Variants in NEB observed in about 807,000 individuals in gnomAD.
NEB encodes nemaline myopathy type 2.
In NEB, 512 loss-of-function variants were observed where a neutral mutation model predicts 952.2. The observed-to-expected ratio is 0.54, with a 90% CI of 0.50 to 0.58. The LOEUF (loss-of-function observed/expected upper bound fraction) is 0.58, where lower values mean the gene tolerates loss of function less well. NEB is among the 20% of genes least tolerant of loss of function. NEB has a pLI of 0.00. For missense variants in NEB, 8,428 were observed against 9,231.1 expected (o/e 0.91, Z 3.56); for synonymous variants, 2,900 against 3,149.8 (o/e 0.92, Z 2.66).
At chr2:151,563,011 C>CTT (rs397868741) in intron 119 of NEB, among the ~76,000 whole-genome samples, 91 of 93,314 alleles carry the variant, frequency 9.8e-4, no homozygotes, top group African/African-American at 1.3e-3. Flanking sequence ...AATTTCCCAT[C>CTT]TTTTTTTTTT....
intron 141 of NEB, 64 bp downstream of exon 141, chr2:151,537,068 T>C (rs917946358): frequency 2.0e-6 from 2 of 995,108 alleles, no homozygotes; most frequent in African/African-American, 3.2e-5. Context: ...TTCTCAGTGC[T>C]AATTCTCTCT....
chr2:151,498,145 T>TAAGA (rs1248469306), intron 170 of NEB, 115 bp downstream of exon 170: 2 of 1,529,066 alleles, frequency 1.3e-6, no homozygotes, highest in South Asian at 1.2e-5. Flanking sequence ...TTTTGTAATA[T>TAAGA]AAGATGTATT....
intron 34 of NEB, 21 bp from the exon 35 acceptor site, chr2:151,675,412 C>CAT: frequency 1.4e-6 from 2 of 1,467,988 alleles, no homozygotes; most frequent in Non-Finnish European, 1.9e-6. Context: ...ATGCATTTCA[C>CAT]ATAGTGCAAA....
intron 135 of NEB, among the ~76,000 whole-genome samples, chr2:151,542,131 G>A (rs541628185): frequency 6.6e-6 from 1 of 152,252 alleles, no homozygotes; most frequent in Admixed American, 6.5e-5. Context: ...AACTGAAGCT[G>A]CTCAGTGTTT....
chr2:151,577,013 G>A (rs1319997697), intron 105 of NEB, among the ~76,000 whole-genome samples: 1 of 151,988 alleles, frequency 6.6e-6, no homozygotes, highest in Non-Finnish European at 1.5e-5. Context: ...TCCATTTGAG[G>A]GACTGCATGG....
chr2:151,656,288 G>T lies in NEB; in HGVS notation c.6360C>A (p.Leu2120=). The T allele has an allele frequency of 6.2e-7, 1 of 1,613,676 alleles. No homozygotes were observed. The highest frequency in any genetic ancestry group is 8.5e-7 in the Non-Finnish European group (1 of 1,179,738). Residue 2120 remains leucine, a synonymous_variant, in exon 49 of 182, where the codon CTC becomes CTA. Coordinates refer to ENST00000397345, the MANE Select transcript of NEB (RefSeq NM_001164508.2). ...GGGCATCCTTTGCAGCCGTGACACT[G>T]AGCATGTCGGCAGGGGTGTGGTAGC... The part of the protein sequence containing the change: ...KTSYHTPADM[L]SVTAAKDAQA...
chr2:151,513,523 T>A, intron 160 of NEB, 57 bp downstream of exon 160: 1 of 1,252,186 alleles, frequency 8.0e-7, no homozygotes, highest in Non-Finnish European at 1.1e-6. Context: ...GGACACTTTA[T>A]GTCCTTAAAG....
chr2:151,676,061 A>G (rs1187983848), intron 34 of NEB, among the ~76,000 whole-genome samples: 1 of 152,226 alleles, frequency 6.6e-6, no homozygotes, highest in African/African-American at 2.4e-5. Context: ...AATCACAAGT[A>G]GATTTTCAAT....
At chr2:151,568,474 G>A in intron 111 of NEB, 57 bp from the exon 112 acceptor site, 2 of 1,522,282 alleles carry the variant, frequency 1.3e-6, no homozygotes, top group Non-Finnish European at 1.8e-6. Context: ...AAAGCATCAT[G>A]TTGTCCAAGC....
intron 9 of NEB, 61 bp downstream of exon 9, chr2:151,723,321 T>C (rs770954851): frequency 1.6e-4 from 192 of 1,186,262 alleles, no homozygotes; most frequent in Non-Finnish European, 2.1e-4. Flanking sequence ...CTGGCCAGAA[T>C]ATGTAATTCA....
rs762201415 is a variant in NEB at position 151,653,996 on chromosome 2, C to T, written c.6911G>A (p.Ser2304Asn). The change falls in exon 52 of 182, where the codon AGT becomes AAT. Residue 2304 changes from serine to asparagine, a missense_variant. By Grantham distance (46) the Ser-to-Asn change is conservative (BLOSUM62 1). This residue lies in a region of NEB where 2,851 missense variants were observed against 2,791.5 expected (regional missense o/e 1.02). Transcript: ENST00000397345. ...AGAACTCAAACTAGTACTCACATCACTAGCAATGTCTCTTGAAGCTTTAGC... is the reference window on the plus strand; with the variant it reads ...AGAACTCAAACTAGTACTCACATCATTAGCAATGTCTCTTGAAGCTTTAGC... ...QLAKASRDIA[S>N]DYKYKQGYRK... The T allele has an allele frequency of 6.2e-7, 1 of 1,608,186 alleles. No individual in the cohort carries two copies. The highest frequency in any genetic ancestry group is 8.5e-7 in the Non-Finnish European group (1 of 1,175,112).
intron 131 of NEB, among the ~76,000 whole-genome samples, chr2:151,547,994 A>G (rs534281462): frequency 6.6e-6 from 1 of 152,304 alleles, no homozygotes; most frequent in East Asian, 1.9e-4. Flanking sequence ...GTTGGTGTAG[A>G]AAACCAGGAT....
chr2:151,562,548 G>A (rs1008777399), intron 120 of NEB, 63 bp downstream of exon 120: 4 of 1,422,480 alleles, frequency 2.8e-6, no homozygotes, highest in African/African-American at 2.9e-5. Context: ...CCAGGGTTGG[G>A]GGGTAGCCAA....
At chr2:151,577,251 G>A (rs918116428) in intron 105 of NEB, among the ~76,000 whole-genome samples, 2 of 152,090 alleles carry the variant, frequency 1.3e-5, no homozygotes, top group African/African-American at 2.4e-5. Context: ...GAATGGTCTG[G>A]CACCAGTCCC....
chr2:151,526,206 G>A lies in NEB; in HGVS notation c.22002C>T (p.Asp7334=). The change falls in exon 149 of 182, where the codon GAC becomes GAT. Residue 7334 remains aspartate, a synonymous_variant. Transcript: ENST00000397345. The part of the protein sequence containing the change: ...KERGTCHAVP[D]TPQILLAKTV... ...TCTTCGCCAGCAGGATCTGAGGCGT[G>A]TCAGGTACGGCATGGCAGGTTCCTC... 6.2e-7 allele frequency: 1 copy of A among 1,613,914 alleles called. No homozygotes were observed. The highest frequency in any genetic ancestry group is 8.5e-7 in the Non-Finnish European group (1 of 1,179,824).
chr2:151,711,026 G>A (rs1414173101), intron 10 of NEB, among the ~76,000 whole-genome samples: 1 of 152,140 alleles, frequency 6.6e-6, no homozygotes. Flanking sequence ...AAATTTAATA[G>A]GAACTGGAAA....
intron 157 of NEB, among the ~76,000 whole-genome samples, chr2:151,515,425 C>G (rs2077176576): frequency 6.6e-6 from 1 of 152,148 alleles, no homozygotes; most frequent in Non-Finnish European, 1.5e-5. Context: ...GATGCCCAGG[C>G]TGGTCTCAAA....
chr2:151,561,130 T>C, intron 122 of NEB, 22 bp from the exon 123 acceptor site: 1 of 1,563,594 alleles, frequency 6.4e-7, no homozygotes, highest in Non-Finnish European at 8.8e-7. Flanking sequence ...CAACAATAGG[T>C]TATTCACCTC....
intron 120 of NEB, 69 bp downstream of exon 120, chr2:151,562,542 G>T (rs1469038852): frequency 5.7e-6 from 8 of 1,396,742 alleles, no homozygotes; most frequent in Non-Finnish European, 7.7e-6. Flanking sequence ...TGGCAGCCAG[G>T]GTTGGGGGGT....
Sources: allele counts gnomAD v4.1 joint callset (sites outside exome capture counted in the v4.1 genomes callset), GRCh38; gene constraint gnomAD v4.1.1; regional missense constraint gnomAD v4.1.1; transcripts MANE v1.5; gene names NCBI Gene and HGNC (gene_info 2026-07-23, HGNC 2026-07-21).